Variants in DENND4C observed in about 807,000 individuals in gnomAD.
DENND4C encodes DENN domain containing 4C.
Under a neutral mutation model 203.0 loss-of-function variants are expected in DENND4C, and 108 were observed. The observed-to-expected ratio is 0.53, with a 90% confidence interval of 0.46 to 0.62. The LOEUF (loss-of-function observed/expected upper bound fraction) is 0.62, where lower values mean the gene tolerates loss of function less well. Ranked by LOEUF, DENND4C falls within the 20% of genes least tolerant of loss-of-function variation. The probability of loss-of-function intolerance (pLI) is 0.00; values close to 1 mark genes in which losing one functional copy is unlikely to be tolerated. For missense variants in DENND4C, 2,481 were observed against 2,301.2 expected, an observed-to-expected ratio of 1.08 and a Z score of -1.60; for synonymous variants, 871 against 792.4, an observed-to-expected ratio of 1.10 and a Z score of -1.67.
chr9:19,290,018 G>A (rs1248249304), intron 4 of DENND4C, among the ~76,000 whole-genome samples: 1 of 152,090 alleles, frequency 6.6e-6, no homozygotes, highest in Non-Finnish European at 1.5e-5. Context: ...GAGAGTTTTA[G>A]ATACTGAATT....
intron 13 of DENND4C, among the ~76,000 whole-genome samples, chr9:19,325,474 C>T (rs540921702): frequency 6.6e-6 from 1 of 152,126 alleles, no homozygotes; most frequent in South Asian, 2.1e-4. Flanking sequence ...TTTATGGCCC[C>T]CTCATGATTC....
intron 13 of DENND4C, among the ~76,000 whole-genome samples, chr9:19,324,738 G>A (rs1448929762): frequency 6.6e-6 from 1 of 152,174 alleles, no homozygotes; most frequent in African/African-American, 2.4e-5. Flanking sequence ...TCCATTGATT[G>A]AAACAGCATC....
At chr9:19,361,567 G>T (rs891762938) in intron 29 of DENND4C, among the ~76,000 whole-genome samples, 6 of 152,166 alleles carry the variant, frequency 3.9e-5, no homozygotes, top group Non-Finnish European at 7.3e-5. Context: ...CTTGCACTTT[G>T]ACCTTAAAAT....
intron 2 of DENND4C, among the ~76,000 whole-genome samples, chr9:19,278,308 G>T (rs1833322854): frequency 6.6e-6 from 1 of 151,970 alleles, no homozygotes; most frequent in African/African-American, 2.4e-5. Flanking sequence ...GCTAATTTTT[G>T]TATTTTTAGT....
chr9:19,327,861 CTCTG>C (rs1167833044), intron 15 of DENND4C, among the ~76,000 whole-genome samples, 165 bp from the exon 16 acceptor site: 2 of 151,918 alleles, frequency 1.3e-5, no homozygotes, highest in African/African-American at 4.8e-5. Flanking sequence ...TGAAGGTAGT[CTCTG>C]TATGTTATAT....
At chr9:19,282,847 G>C (rs1337363738) in intron 2 of DENND4C, among the ~76,000 whole-genome samples, 4 of 149,942 alleles carry the variant, frequency 2.7e-5, no homozygotes, top group African/African-American at 9.8e-5. Context: ...CTCTGGAGTA[G>C]CTGCGATTAC....
chr9:19,352,416 A>G (rs1270992197), intron 25 of DENND4C, 74 bp from the exon 26 acceptor site: 13 of 1,410,450 alleles, frequency 9.2e-6, no homozygotes, highest in South Asian at 1.5e-5. Flanking sequence ...AAAAAATCCC[A>G]TTATCTCAAG....
At position 19,297,884 on chromosome 9, in the gene DENND4C, A is replaced by G. The variant is rs1265263088; in HGVS notation, c.1041-172A>G. Among the ~76,000 whole-genome samples, 3 of 152,164 alleles carry G rather than the reference A, an allele frequency of 2.0e-5. No homozygotes were observed. In the East Asian group the frequency reaches 5.8e-4, roughly 29 times the overall value. ...ATACATTGTGTATTTCAGAAGTTTAATGGGCATGGATAAATTCATTTACAT... is the reference window on the plus strand; with the variant it reads ...ATACATTGTGTATTTCAGAAGTTTAGTGGGCATGGATAAATTCATTTACAT... On this transcript the variant is annotated intron_variant, in intron 6 of 32. Coordinates refer to ENST00000434457, the MANE Select transcript of DENND4C (RefSeq NM_001330640.2).
chr9:19,318,260 A>T (rs1441249066), intron 12 of DENND4C, among the ~76,000 whole-genome samples: 2 of 152,188 alleles, frequency 1.3e-5, no homozygotes, highest in Non-Finnish European at 2.9e-5. Flanking sequence ...TGGAGGTTGC[A>T]GAGAGCCAAG....
At chr9:19,335,126 G>A in intron 18 of DENND4C, 21 bp downstream of exon 18, 1 of 1,497,508 alleles carries the variant, frequency 6.7e-7, no homozygotes, top group South Asian at 1.4e-5. Context: ...TCGACATTAG[G>A]CAAGATGTGG....
intron 17 of DENND4C, among the ~76,000 whole-genome samples, chr9:19,334,390 T>C (rs1289920824): frequency 2.0e-5 from 3 of 152,162 alleles, no homozygotes; most frequent in Admixed American, 1.3e-4. Flanking sequence ...TCTCAAATTA[T>C]GAGGAGTAAT....
intron 12 of DENND4C, among the ~76,000 whole-genome samples, chr9:19,319,391 T>TACATATATATATACAC (rs1563799235): frequency 1.5e-5 from 2 of 130,448 alleles, no homozygotes; most frequent in Non-Finnish European, 3.0e-5. Flanking sequence ...CATATATATA[T>TACATATATATATACAC]ACATATATAT....
At position 19,346,243 on chromosome 9, in the gene DENND4C, T is replaced by C. The variant is rs1243636548; in HGVS notation, c.3474T>C (p.Asp1158=). 19 of 1,613,992 alleles carry C rather than the reference T, an allele frequency of 1.2e-5. No homozygotes were observed. Among genetic ancestry groups the C allele is most frequent in the Non-Finnish European group, 1.4e-5 (17 of 1,179,956 alleles). The change falls in exon 23 of 33, where the codon GAT becomes GAC. Residue 1158 remains aspartate, a synonymous_variant. Transcript: ENST00000434457. ...SFENVSCHLP[D]SRTCMSESTW... ...AGAATGTTAGCTGTCACCTACCTGA[T>C]AGTAGGACTTGTATGTCTGAAAGCA...
At chr9:19,293,172 T>C (rs985637838) in intron 5 of DENND4C, among the ~76,000 whole-genome samples, 5 of 152,220 alleles carry the variant, frequency 3.3e-5, no homozygotes, top group Admixed American at 3.3e-4. Flanking sequence ...ATTAGTTACC[T>C]AATATGCTTT....
At chr9:19,324,257 G>A in intron 12 of DENND4C, 105 bp from the exon 13 acceptor site, 5 of 716,140 alleles carry the variant, frequency 7.0e-6, no homozygotes, top group Non-Finnish European at 8.7e-6. Flanking sequence ...ATATATATAT[G>A]TATATATAAA....
At position 19,360,942 on chromosome 9, in the gene DENND4C, C is replaced by T. The variant is rs139136971; in HGVS notation, c.5406+453C>T. Among the ~76,000 whole-genome samples the T allele has an allele frequency of 1.7e-4, 26 of 152,276 alleles. No homozygotes were observed. In the East Asian group the frequency reaches 3.7e-3, roughly 21 times the overall value. Reference sequence around the variant, plus strand: ...AGGCTGGAGTGCAATGGCGTGATCTCGGCTCATTGCAGCCTCCTTTTTCTG... The same window carrying T: ...AGGCTGGAGTGCAATGGCGTGATCTTGGCTCATTGCAGCCTCCTTTTTCTG... On this transcript the variant is annotated intron_variant, in intron 29 of 32. Coordinates refer to ENST00000434457, the MANE Select transcript of DENND4C (RefSeq NM_001330640.2).
At chr9:19,344,466 C>T (rs1815958139) in intron 22 of DENND4C, among the ~76,000 whole-genome samples, 1 of 152,144 alleles carries the variant, frequency 6.6e-6, no homozygotes, top group Non-Finnish European at 1.5e-5. Flanking sequence ...ACTGTACTCT[C>T]CACCCTAGGT....
At chr9:19,347,505 G>A (rs1342049324) in intron 23 of DENND4C, among the ~76,000 whole-genome samples, 2 of 152,130 alleles carry the variant, frequency 1.3e-5, no homozygotes, top group East Asian at 3.8e-4. Flanking sequence ...AGTCTATTTT[G>A]TGTAGTCTAT....
At chr9:19,308,908 C>T (rs977562441) in intron 10 of DENND4C, among the ~76,000 whole-genome samples, 1 of 152,164 alleles carries the variant, frequency 6.6e-6, no homozygotes, top group African/African-American at 2.4e-5. Flanking sequence ...CAGTATTATA[C>T]TGTCTTAATG....
Sources: allele counts gnomAD v4.1 joint callset (sites outside exome capture counted in the v4.1 genomes callset), GRCh38; gene constraint gnomAD v4.1.1; transcripts MANE v1.5; gene names NCBI Gene and HGNC (gene_info 2026-07-23, HGNC 2026-07-21).